The following SLCO3A1 variants were observed in gnomAD, a reference collection of about 807,000 sequenced individuals.
SLCO3A1 encodes PGE1 transporter.
In SLCO3A1, 27 loss-of-function variants were observed where a neutral mutation model predicts 63.1. That is an observed-to-expected ratio of 0.43 (90% CI 0.32 to 0.59). The LOEUF is 0.59. Among genes scored for constraint, SLCO3A1 ranks in the 20% least tolerant of loss-of-function variants. SLCO3A1 has a pLI of 0.09. For synonymous variants in SLCO3A1, 473 were observed against 409.9 expected, an observed-to-expected ratio of 1.15 and a Z score of -1.86; for missense variants, 773 against 945.8, an observed-to-expected ratio of 0.82 and a Z score of 2.40.
intron 2 of SLCO3A1, among the ~76,000 whole-genome samples, chr15:92,068,940 G>T (rs1462785986): frequency 6.6e-6 from 1 of 152,170 alleles, no homozygotes; most frequent in Non-Finnish European, 1.5e-5. Flanking sequence ...CCTTCACACG[G>T]TGATGATTCC....
intron 2 of SLCO3A1, among the ~76,000 whole-genome samples, chr15:91,963,855 A>T (rs969832032): frequency 6.6e-6 from 1 of 152,116 alleles, no homozygotes; most frequent in Non-Finnish European, 1.5e-5. Context: ...CAAAGCTTCC[A>T]CGGCGTGGAA....
intron 7 of SLCO3A1, among the ~76,000 whole-genome samples, chr15:92,135,747 C>T (rs956715954): frequency 6.6e-6 from 1 of 152,188 alleles, no homozygotes. Flanking sequence ...GTGGTGGTGT[C>T]CCACGTTCTT....
In SLCO3A1 at chr15:92,164,504, C is replaced by A. The variant is rs939611948; in HGVS notation, c.*1369C>A. The stretch of plus-strand genomic sequence containing the variant: ...ACATTCCAAGAGGCGTTCTTTTCAG[C>A]CTGTGGAGGAGACACTCTTAGATGT... On this transcript the variant is annotated 3_prime_UTR_variant, in exon 10 of 10. Coordinates refer to ENST00000318445, the MANE Select transcript of SLCO3A1 (RefSeq NM_013272.4). 16 of 985,238 alleles carry A rather than the reference C, an allele frequency of 1.6e-5. No individual in the cohort carries two copies. Among genetic ancestry groups the A allele is most frequent in the African/African-American group, 1.7e-5 (1 of 57,204 alleles). 61.0% of individuals were successfully genotyped at this position (985,238 alleles called of 1,614,324 possible).
rs542071331 is a variant in SLCO3A1, at chr15:92,023,473, C to CT, written c.647-71396dup. On this transcript the variant is annotated intron_variant, in intron 2 of 9. Transcript: ENST00000318445. ...TAAAAGGTGAGGTTGAATTTTTTTT[C>CT]TTTTTTTTTTTTAAGACAGTGTCAC... Among the ~76,000 whole-genome samples the CT allele has an allele frequency of 3.0e-3, 428 of 143,658 alleles. 2 individuals carry two copies. The highest frequency in any genetic ancestry group is 0.013 in the East Asian group (65 of 4,964). 94.2% of individuals were successfully genotyped at this position (143,658 alleles called of 152,430 possible).
intron 2 of SLCO3A1, among the ~76,000 whole-genome samples, chr15:91,921,130 C>G (rs927242372): frequency 1.3e-5 from 2 of 152,162 alleles, no homozygotes; most frequent in Non-Finnish European, 2.9e-5. Context: ...GATTAAGGTG[C>G]CACAGGGTTG....
intron 2 of SLCO3A1, among the ~76,000 whole-genome samples, chr15:92,053,436 C>T (rs890023355): frequency 7.2e-5 from 11 of 152,198 alleles, no homozygotes; most frequent in African/African-American, 2.7e-4. Context: ...AGTATCAATA[C>T]ATTGCGATCA....
At chr15:92,093,643 C>T (rs1293648552) in intron 2 of SLCO3A1, among the ~76,000 whole-genome samples, 1 of 152,126 alleles carries the variant, frequency 6.6e-6, no homozygotes, top group Non-Finnish European at 1.5e-5. Context: ...GGGAAAGCTT[C>T]AAGTCAGCGA....
chr15:91,919,447 TCATGCGGCAC>T (rs1188155758), intron 2 of SLCO3A1, among the ~76,000 whole-genome samples: 1 of 152,240 alleles, frequency 6.6e-6, no homozygotes, highest in Non-Finnish European at 1.5e-5. Flanking sequence ...CACTGCGGCA[TCATGCGGCAC>T]CCGGACTCAC....
intron 1 of SLCO3A1, among the ~76,000 whole-genome samples, chr15:91,884,132 T>G (rs1370455613): frequency 6.6e-6 from 1 of 152,244 alleles, no homozygotes; most frequent in Admixed American, 6.5e-5. Flanking sequence ...TATCTTCATT[T>G]TGTAATGAGG....
At chr15:91,964,153 T>C (rs1416240540) in intron 2 of SLCO3A1, among the ~76,000 whole-genome samples, 2 of 152,172 alleles carry the variant, frequency 1.3e-5, no homozygotes, top group African/African-American at 4.8e-5. Flanking sequence ...TTTCAGTTTA[T>C]GAAAGTAGGT....
intron 2 of SLCO3A1, among the ~76,000 whole-genome samples, chr15:91,938,292 C>A (rs925370794): frequency 2.0e-5 from 3 of 151,914 alleles, no homozygotes; most frequent in Admixed American, 1.3e-4. Context: ...AGAGAAGGTA[C>A]TTAGTAAGTG....
intron 2 of SLCO3A1, among the ~76,000 whole-genome samples, chr15:91,997,734 A>G (rs1236420449): frequency 1.3e-5 from 2 of 152,196 alleles, no homozygotes; most frequent in African/African-American, 4.8e-5. Context: ...ATCTTCAACA[A>G]AGTTGACAAA....
intron 2 of SLCO3A1, among the ~76,000 whole-genome samples, chr15:91,919,411 G>A (rs1597120323): frequency 6.6e-6 from 1 of 152,200 alleles, no homozygotes; most frequent in African/African-American, 2.4e-5. Flanking sequence ...TGGATGAATG[G>A]GGACTCGGCT....
chr15:91,930,050 G>C (rs1899169422), intron 2 of SLCO3A1, among the ~76,000 whole-genome samples: 1 of 152,028 alleles, frequency 6.6e-6, no homozygotes, highest in African/African-American at 2.4e-5. Flanking sequence ...TCTCCATCTG[G>C]GTATCCTAAG....
At chr15:91,978,272 G>T (rs1305227707) in intron 2 of SLCO3A1, among the ~76,000 whole-genome samples, 1 of 152,186 alleles carries the variant, frequency 6.6e-6, no homozygotes, top group African/African-American at 2.4e-5. Context: ...TAGGAAAATG[G>T]ATTATTTCTG....
At chr15:92,146,942 G>A (rs144303709) in intron 7 of SLCO3A1, 42 bp from the exon 8 acceptor site, 43 of 1,546,800 alleles carry the variant, frequency 2.8e-5, no homozygotes, top group South Asian at 2.0e-4. Flanking sequence ...TTTGGAAACC[G>A]GAAGTACCCC....
rs536566168 is a variant in SLCO3A1 at position 91,875,503 on chromosome 15, C to G, written c.180+21415C>G. Among the ~76,000 whole-genome samples the G allele has an allele frequency of 9.8e-5, 15 of 152,332 alleles. No individual in the cohort carries two copies. The East Asian group carries it at 2.1e-3, about 22-fold the overall frequency. ...CGTAAACCTAGGTTGGTTCCTCCCC[C>G]GTCAGTTGGAGATGATTAAAGTACC... On this transcript the variant is annotated intron_variant, in intron 1 of 9. Transcript: ENST00000318445. The surrounding 1 kb of genome is among the most constrained non-coding windows in gnomAD (Gnocchi z 4.5).
intron 3 of SLCO3A1, among the ~76,000 whole-genome samples, chr15:92,103,829 G>C (rs557013594): frequency 6.6e-6 from 1 of 152,060 alleles, no homozygotes; most frequent in African/African-American, 2.4e-5. Flanking sequence ...CTTATGAGCT[G>C]TGAACCTAAA....
chr15:92,150,196 T>G (rs12592574), intron 8 of SLCO3A1, among the ~76,000 whole-genome samples: 56,521 of 151,970 alleles, frequency 0.37, 10,748 homozygotes, highest in African/African-American at 0.44. Context: ...AAGATGTAGG[T>G]TGGAAGGCTA....
Sources: allele counts gnomAD v4.1 joint callset (sites outside exome capture counted in the v4.1 genomes callset), GRCh38; gene constraint gnomAD v4.1.1; non-coding constraint Gnocchi (gnomAD v3.1); transcripts MANE v1.5; gene names NCBI Gene and HGNC (gene_info 2026-07-23, HGNC 2026-07-21).